Variants in GALNT14 observed in about 807,000 individuals in gnomAD.
GALNT14 encodes UDP-GalNAc:polypeptide N-acetylgalactosaminyltransferase 14.
In GALNT14, 60 loss-of-function variants were observed where a neutral mutation model predicts 77.5. The observed-to-expected ratio is 0.77, with a 90% confidence interval of 0.63 to 0.96. The LOEUF (loss-of-function observed/expected upper bound fraction) is 0.96, where lower values mean the gene tolerates loss of function less well. Ranked by LOEUF, GALNT14 falls within the 40% of genes least tolerant of loss-of-function variation. The probability of loss-of-function intolerance (pLI) is 0.00; values close to 1 mark genes in which losing one functional copy is unlikely to be tolerated. For synonymous variants in GALNT14, 280 were observed against 281.7 expected (o/e 0.99, Z 0.06); for missense variants, 710 against 731.0 (o/e 0.97, Z 0.33).
At chr2:30,988,627 C>T (rs1028470576) in intron 2 of GALNT14, among the ~76,000 whole-genome samples, 1 of 152,132 alleles carries the variant, frequency 6.6e-6, no homozygotes, top group African/African-American at 2.4e-5. Context: ...CTCAGACCCT[C>T]AGCCTTTTGG....
chr2:31,126,499 C>T (rs1462580894), intron 1 of GALNT14, among the ~76,000 whole-genome samples: 1 of 152,146 alleles, frequency 6.6e-6, no homozygotes, highest in Non-Finnish European at 1.5e-5. Context: ...CCTAAGAATG[C>T]CGGCCGTGCA....
At chr2:31,121,648 G>C (rs79163228) in intron 1 of GALNT14, among the ~76,000 whole-genome samples, 9,566 of 151,990 alleles carry the variant, frequency 0.063, 527 homozygotes, top group African/African-American at 0.15. Context: ...GGAAGACCTC[G>C]CTGCCCACTG....
At chr2:31,062,266 A>G (rs1674647206) in intron 1 of GALNT14, among the ~76,000 whole-genome samples, 1 of 151,964 alleles carries the variant, frequency 6.6e-6, no homozygotes, top group Non-Finnish European at 1.5e-5. Flanking sequence ...CCCTGTGTCC[A>G]CGTGTTCTCA....
At position 30,944,947 on chromosome 2, in the gene GALNT14, A is replaced by G. The variant is rs777817334; in HGVS notation, c.743-5T>C. 1 of 1,600,190 alleles carries G rather than the reference A, an allele frequency of 6.2e-7. No homozygotes were observed. The highest frequency in any genetic ancestry group is 8.5e-7 in the Non-Finnish European group (1 of 1,171,596). On this transcript the variant is annotated splice_region_variant and splice_polypyrimidine_tract_variant and intron_variant, in intron 7 of 14. Transcript: ENST00000349752. The stretch of plus-strand genomic sequence containing the variant: ...AGTGGAGGCTCCAGTCAAACCCTAC[A>G]ACACAGCACCAACCCACCTGCTTTG...
At chr2:31,009,591 C>CA (rs1026765739) in intron 1 of GALNT14, among the ~76,000 whole-genome samples, 13 of 152,004 alleles carry the variant, frequency 8.6e-5, no homozygotes, top group African/African-American at 1.2e-4. Context: ...AGAACAATAT[C>CA]AAAAAAACGC....
At chr2:31,024,182 C>T (rs1452780442) in intron 1 of GALNT14, among the ~76,000 whole-genome samples, 1 of 152,152 alleles carries the variant, frequency 6.6e-6, no homozygotes, top group Non-Finnish European at 1.5e-5. Context: ...TCCATGCCAT[C>T]TCCCAGCACC....
At chr2:30,887,419 A>G in the GALNT14 span, among the ~76,000 whole-genome samples, 1 of 152,102 alleles carries the variant, frequency 6.6e-6, no homozygotes, top group Non-Finnish European at 1.5e-5. Flanking sequence ...TATGATAGCC[A>G]TCCTAGTGCA....
chr2:31,109,858 A>C (rs984314644), intron 1 of GALNT14, among the ~76,000 whole-genome samples: 4 of 152,168 alleles, frequency 2.6e-5, no homozygotes, highest in Non-Finnish European at 5.9e-5. Flanking sequence ...CAAATGGGAT[A>C]CTCAGGGCTT....
rs764560424 is a variant in GALNT14, at chr2:30,958,383, G to A, written c.466+14C>T. On this transcript the variant is annotated intron_variant, in intron 4 of 14. Transcript: ENST00000349752. ...ACATTCGTGTCTAAAGAGCAAGTGAGCAACATGACTTACGGTCATTGCTGA... is the reference window on the plus strand; with the variant it reads ...ACATTCGTGTCTAAAGAGCAAGTGAACAACATGACTTACGGTCATTGCTGA... The A allele has an allele frequency of 6.2e-7, 1 of 1,610,434 alleles. No homozygotes were observed. The highest frequency in any genetic ancestry group is 1.3e-5 in the African/African-American group (1 of 74,836).
chr2:31,078,097 T>A (rs1231208147), intron 1 of GALNT14, among the ~76,000 whole-genome samples: 1 of 152,128 alleles, frequency 6.6e-6, no homozygotes, highest in Non-Finnish European at 1.5e-5. Flanking sequence ...GAGGCAAAGG[T>A]GATCTTGAGA....
chr2:30,948,591 C>T (rs908925836), intron 6 of GALNT14, among the ~76,000 whole-genome samples: 1 of 152,206 alleles, frequency 6.6e-6, no homozygotes, highest in Non-Finnish European at 1.5e-5. Context: ...TGTTGCCTCA[C>T]AACCTTGCTA....
chr2:30,986,758 A>G, intron 2 of GALNT14, among the ~76,000 whole-genome samples: 1 of 152,296 alleles, frequency 6.6e-6, no homozygotes, highest in South Asian at 2.1e-4. Context: ...TTTAAAACAC[A>G]TCACCTACCT....
intron 1 of GALNT14, 49 bp downstream of exon 1, chr2:31,137,909 C>A (rs1679300074): frequency 6.4e-7 from 1 of 1,566,104 alleles, no homozygotes; most frequent in Non-Finnish European, 8.7e-7. Flanking sequence ...GGGCTGCGCG[C>A]CCTCCCGCAA....
chr2:31,097,448 G>A (rs756798092), intron 1 of GALNT14, among the ~76,000 whole-genome samples: 17 of 151,456 alleles, frequency 1.1e-4, no homozygotes, highest in Non-Finnish European at 2.2e-4. Context: ...CCTAAGATGT[G>A]CTCTAGGCAT....
intron 6 of GALNT14, among the ~76,000 whole-genome samples, chr2:30,949,636 C>A (rs985268927): frequency 2.6e-5 from 4 of 152,204 alleles, no homozygotes; most frequent in Admixed American, 2.6e-4. Flanking sequence ...ACCACCCCTG[C>A]CATCAGGCCT....
the GALNT14 span, among the ~76,000 whole-genome samples, chr2:30,889,522 C>T: frequency 6.6e-6 from 1 of 152,230 alleles, no homozygotes; most frequent in Non-Finnish European, 1.5e-5. Flanking sequence ...TAGAACCCCA[C>T]TGCTTACAAT....
chr2:30,963,003 C>T (rs970534011), intron 3 of GALNT14, among the ~76,000 whole-genome samples: 1 of 152,140 alleles, frequency 6.6e-6, no homozygotes, highest in Admixed American at 6.5e-5. Context: ...TCTGCCCTGC[C>T]TGCTTTTGAT....
chr2:30,959,272 C>T (rs1022849481), intron 3 of GALNT14, among the ~76,000 whole-genome samples: 1 of 152,184 alleles, frequency 6.6e-6, no homozygotes, highest in Non-Finnish European at 1.5e-5. Context: ...CACTTCCCAG[C>T]CCTGAAGTTT....
At position 30,996,934 on chromosome 2, in the gene GALNT14, G is replaced by A. The variant is rs375414640; in HGVS notation, c.130-3927C>T. 7.1e-4 allele frequency among the ~76,000 whole-genome samples: 108 copies of A among 152,190 alleles called. 2 individuals carry two copies. The South Asian group carries it at 0.021, about 30-fold the overall frequency. On this transcript the variant is annotated intron_variant, in intron 1 of 14. Coordinates refer to ENST00000349752, the MANE Select transcript of GALNT14 (RefSeq NM_024572.4). ...TCTGAATGTATTAAATAATGGTGAA[G>A]GTGTGTTTAAAATAATACCACTACA...
Sources: gnomAD v4.1 joint callset for allele counts (sites outside exome capture counted in the v4.1 genomes callset) on GRCh38, gnomAD v4.1.1 for gene constraint, MANE v1.5 for transcripts, NCBI Gene and HGNC (gene_info 2026-07-23, HGNC 2026-07-21) for gene names.